The following ZRANB1 variants were observed in gnomAD, a reference collection of about 807,000 sequenced individuals.
ZRANB1 encodes zinc finger RANBP2-type containing 1.
In ZRANB1, 16 loss-of-function variants were observed where a neutral mutation model predicts 80.5. The observed-to-expected ratio is 0.20, with a 90% CI of 0.13 to 0.30. The LOEUF (loss-of-function observed/expected upper bound fraction) is 0.30, where lower values mean the gene tolerates loss of function less well. Ranked by LOEUF, ZRANB1 falls within the 10% of genes least tolerant of loss-of-function variation. The pLI, the probability that ZRANB1 is intolerant of heterozygous loss-of-function variation, is 1.00. For missense variants in ZRANB1, 576 were observed against 862.6 expected (o/e 0.67, Z 4.16); for synonymous variants, 291 against 293.1 (o/e 0.99, Z 0.07).
the ZRANB1 span, among the ~76,000 whole-genome samples, chr10:124,932,161 T>C: frequency 6.6e-6 from 1 of 152,244 alleles, no homozygotes; most frequent in Non-Finnish European, 1.5e-5. Context: ...TTTTTAGAGC[T>C]GTATAATATT....
intron 1 of ZRANB1, among the ~76,000 whole-genome samples, chr10:124,963,785 C>G (rs922968286): frequency 5.3e-5 from 8 of 152,040 alleles, no homozygotes; most frequent in African/African-American, 1.7e-4. Flanking sequence ...TGGGACAGTT[C>G]AGTGACATTT....
chr10:124,937,843 A>T (rs1951501880), upstream of ZRANB1, among the ~76,000 whole-genome samples: 1 of 152,206 alleles, frequency 6.6e-6, no homozygotes, highest in Admixed American at 6.5e-5. Flanking sequence ...GCACAAATGG[A>T]TTCCTGGTCT....
At chr10:124,952,321 G>GATT (rs1256995240) in intron 1 of ZRANB1, among the ~76,000 whole-genome samples, 1 of 152,216 alleles carries the variant, frequency 6.6e-6, no homozygotes, top group African/African-American at 2.4e-5. Context: ...GGAGAGTGAA[G>GATT]ATTATAGATG....
intron 1 of ZRANB1, 138 bp from the exon 2 acceptor site, chr10:124,966,456 T>G (rs532006959): frequency 2.4e-6 from 2 of 840,522 alleles, no homozygotes; most frequent in African/African-American, 3.4e-5. Context: ...TTCCTTACTC[T>G]TATAGGACAT....
At chr10:124,934,584 T>C in the ZRANB1 span, among the ~76,000 whole-genome samples, 4 of 152,186 alleles carry the variant, frequency 2.6e-5, no homozygotes, top group African/African-American at 9.7e-5. Context: ...AGTAGTCTAA[T>C]CCCTTTAATT....
intron 1 of ZRANB1, among the ~76,000 whole-genome samples, chr10:124,950,836 C>T (rs1382279855): frequency 1.3e-4 from 20 of 152,086 alleles, no homozygotes; most frequent in Non-Finnish European, 4.4e-5. Context: ...AAAAAATTAG[C>T]AGGACATGGT....
At chr10:124,922,281 AAT>A in the ZRANB1 span, among the ~76,000 whole-genome samples, 49 of 87,446 alleles carry the variant, frequency 5.6e-4, no homozygotes, top group African/African-American at 1.8e-3. Flanking sequence ...ATATATGTAA[AAT>A]ATATATATAT....
intron 5 of ZRANB1, among the ~76,000 whole-genome samples, chr10:124,978,947 C>CCAG (rs59905888): frequency 0.87 from 131,421 of 151,598 alleles, 57,155 homozygotes; most frequent in East Asian, 0.97. Flanking sequence ...GCCAATAATT[C>CCAG]CAGCGCCTTG....
At chr10:124,981,495 C>A in intron 5 of ZRANB1, 1 of 338,656 alleles carries the variant, frequency 3.0e-6, no homozygotes, top group Non-Finnish European at 5.1e-6. Context: ...AAATCAAATT[C>A]TGACTAAAGA....
At chr10:124,966,875 T>C (rs1951781618) in intron 2 of ZRANB1, 94 bp downstream of exon 2, 16 of 1,207,020 alleles carry the variant, frequency 1.3e-5, no homozygotes, top group Non-Finnish European at 1.7e-5. Context: ...TCTAAGCAGC[T>C]TTAAAATGTT....
intron 5 of ZRANB1, among the ~76,000 whole-genome samples, chr10:124,976,240 A>T (rs1951875322): frequency 6.6e-6 from 1 of 152,254 alleles, no homozygotes; most frequent in African/African-American, 2.4e-5. Flanking sequence ...GGTAAGCCTG[A>T]TGCTGGTCAG....
chr10:124,973,738 A>G (rs1589853302), intron 4 of ZRANB1, 22 bp downstream of exon 4: 2 of 1,599,872 alleles, frequency 1.3e-6, no homozygotes, highest in Non-Finnish European at 1.7e-6. Flanking sequence ...ATTAATGAGT[A>G]TAATTTACCT....
the ZRANB1 span, among the ~76,000 whole-genome samples, chr10:124,923,884 T>C: frequency 6.6e-6 from 1 of 151,564 alleles, no homozygotes; most frequent in African/African-American, 2.4e-5. Flanking sequence ...GAGATTTGGG[T>C]GGGGACACAG....
At chr10:124,965,379 T>G (rs151153103) in intron 1 of ZRANB1, among the ~76,000 whole-genome samples, 4 of 152,320 alleles carry the variant, frequency 2.6e-5, no homozygotes, top group Non-Finnish European at 5.9e-5. Context: ...GAAAGGACTG[T>G]TTTGAATATT....
chr10:124,977,702 C>T (rs1001374611), intron 5 of ZRANB1, among the ~76,000 whole-genome samples: 7 of 130,878 alleles, frequency 5.3e-5, no homozygotes, highest in Middle Eastern at 4.4e-3. Context: ...CAGAGTGAGA[C>T]CCTGCTAAGA....
At position 124,983,106 on chromosome 10, in the gene ZRANB1, T is replaced by G; in HGVS notation, c.1549-69T>G. The G allele has an allele frequency of 6.6e-7, 1 of 1,517,090 alleles. No homozygotes were observed. Among genetic ancestry groups the G allele is most frequent in the Non-Finnish European group, 8.9e-7 (1 of 1,128,994 alleles). 94.0% of individuals were successfully genotyped at this position (1,517,090 alleles called of 1,614,324 possible). On this transcript the variant is annotated intron_variant, in intron 6 of 8. Coordinates refer to ENST00000359653, the MANE Select transcript of ZRANB1 (RefSeq NM_017580.3). This position sits in a 1 kb window ranked among gnomAD's most constrained non-coding sequence, Gnocchi z 6.2. ...ATAGTATACTGAAGGGGAGGTAGTA[T>G]TGTTTTTTACACATCAGTTTTCCAG...
the ZRANB1 span, among the ~76,000 whole-genome samples, chr10:124,934,864 TTGGCTCTTTAA>T: frequency 6.6e-6 from 1 of 152,202 alleles, no homozygotes; most frequent in African/African-American, 2.4e-5. Flanking sequence ...CTTGGGGCAC[TTGGCTCTTTAA>T]TTCAGAAAGA....
intron 1 of ZRANB1, among the ~76,000 whole-genome samples, chr10:124,951,931 C>T (rs373167420): frequency 1.5e-4 from 22 of 151,610 alleles, no homozygotes; most frequent in African/African-American, 4.8e-4. Context: ...CACTCCAGCC[C>T]GGGCAACAAA....
chr10:124,962,397 A>C (rs1432794023), intron 1 of ZRANB1: 1 of 985,264 alleles, frequency 1.0e-6, no homozygotes, highest in Admixed American at 6.1e-5. Flanking sequence ...GGGCTGGCCC[A>C]TGTGGGCTCA....
Sources: allele counts gnomAD v4.1 joint callset (sites outside exome capture counted in the v4.1 genomes callset), GRCh38; gene constraint gnomAD v4.1.1; non-coding constraint Gnocchi (gnomAD v3.1); transcripts MANE v1.5; gene names NCBI Gene and HGNC (gene_info 2026-07-23, HGNC 2026-07-21).